The following CAMK1D variants were observed in gnomAD, a reference collection of about 807,000 sequenced individuals.
CAMK1D encodes calcium/calmodulin dependent protein kinase ID.
In CAMK1D, 9 loss-of-function variants were observed where a neutral mutation model predicts 47.7. The ratio of observed to expected loss-of-function variants is 0.19; its 90% CI spans 0.11 to 0.33. CAMK1D has a LOEUF of 0.33. Among genes scored for constraint, CAMK1D ranks in the 10% least tolerant of loss-of-function variants. The pLI is 1.00. For synonymous variants in CAMK1D, 184 were observed against 184.9 expected (o/e 0.99, Z 0.04); for missense variants, 291 against 488.7 (o/e 0.60, Z 3.81).
At chr10:12,394,560 A>G (rs183951493) in intron 1 of CAMK1D, among the ~76,000 whole-genome samples, 37 of 152,052 alleles carry the variant, frequency 2.4e-4, no homozygotes, top group African/African-American at 7.7e-4. Context: ...TCACCCCATC[A>G]CTCCAAATTC....
intron 3 of CAMK1D, among the ~76,000 whole-genome samples, chr10:12,706,133 C>T (rs1354180538): frequency 6.6e-6 from 1 of 152,092 alleles, no homozygotes; most frequent in Non-Finnish European, 1.5e-5. Flanking sequence ...TTCTAAGTGA[C>T]TAACTGGCAG....
chr10:12,790,255 C>T (rs572045778), intron 5 of CAMK1D, among the ~76,000 whole-genome samples: 120 of 152,358 alleles, frequency 7.9e-4, no homozygotes, highest in African/African-American at 2.8e-3. Context: ...AATGAGCATG[C>T]TGACACCCTC....
intron 1 of CAMK1D, among the ~76,000 whole-genome samples, chr10:12,354,575 A>AT (rs11297433): frequency 1.3e-5 from 2 of 151,192 alleles, no homozygotes; most frequent in African/African-American, 2.4e-5. Context: ...CACCCGGCTA[A>AT]TTTTTTTGTA....
At chr10:12,816,925 AAGG>A (rs1044271780) in intron 8 of CAMK1D, among the ~76,000 whole-genome samples, 1 of 151,816 alleles carries the variant, frequency 6.6e-6, no homozygotes, top group Non-Finnish European at 1.5e-5. Context: ...CAATTTACAA[AAGG>A]AGGAGGTTTC....
intron 3 of CAMK1D, among the ~76,000 whole-genome samples, chr10:12,753,410 C>T (rs1254742210): frequency 6.6e-6 from 1 of 152,216 alleles, no homozygotes; most frequent in African/African-American, 2.4e-5. Context: ...GTTCATTAAC[C>T]TAGGACACCT....
intron 1 of CAMK1D, among the ~76,000 whole-genome samples, chr10:12,501,463 G>A (rs984262680): frequency 1.1e-4 from 17 of 152,190 alleles, no homozygotes; most frequent in African/African-American, 3.9e-4. Flanking sequence ...CATGTCATGG[G>A]CCTCACCATG....
intron 1 of CAMK1D, among the ~76,000 whole-genome samples, chr10:12,515,242 C>T (rs1363751063): frequency 2.0e-5 from 3 of 151,966 alleles, no homozygotes; most frequent in African/African-American, 7.3e-5. Context: ...AATTCTGACA[C>T]AGGCATAGAA....
intron 1 of CAMK1D, among the ~76,000 whole-genome samples, chr10:12,536,923 A>C (rs1036917797): frequency 6.6e-6 from 1 of 152,196 alleles, no homozygotes; most frequent in Non-Finnish European, 1.5e-5. Context: ...GGATATTTAC[A>C]TATGGGATAT....
intron 3 of CAMK1D, among the ~76,000 whole-genome samples, chr10:12,756,407 C>A (rs746655315): frequency 6.6e-6 from 1 of 152,188 alleles, no homozygotes. Flanking sequence ...TTGCAGTATA[C>A]CACTGTGTCG....
intron 1 of CAMK1D, among the ~76,000 whole-genome samples, chr10:12,413,185 A>C (rs1274637416): frequency 1.3e-5 from 2 of 152,152 alleles, no homozygotes; most frequent in African/African-American, 2.4e-5. Context: ...AAGCCTCAGA[A>C]GCTTACAGTC....
At chr10:12,811,214 C>G (rs2493756) in intron 6 of CAMK1D, among the ~76,000 whole-genome samples, 150,769 of 152,362 alleles carry the variant, frequency 0.99, 74,614 homozygotes, top group Middle Eastern at 1. Context: ...ATTATTTAAA[C>G]GGTTGGATAT....
intron 1 of CAMK1D, among the ~76,000 whole-genome samples, chr10:12,536,017 C>T (rs1159506478): frequency 1.3e-5 from 2 of 152,106 alleles, no homozygotes; most frequent in Admixed American, 6.5e-5. Flanking sequence ...GCATAGGGAG[C>T]TGGGACCTAG....
At chr10:12,434,960 G>A (rs994707507) in intron 1 of CAMK1D, among the ~76,000 whole-genome samples, 11 of 152,188 alleles carry the variant, frequency 7.2e-5, no homozygotes, top group Non-Finnish European at 2.9e-5. Flanking sequence ...GCTCACACTG[G>A]TAATCCCAGC....
intron 2 of CAMK1D, among the ~76,000 whole-genome samples, chr10:12,575,215 C>T (rs11814175): frequency 0.036 from 5,430 of 152,258 alleles, 267 homozygotes; most frequent in African/African-American, 0.11. Context: ...GCCTCAGCCT[C>T]GCAAGTAGCT....
intron 2 of CAMK1D, among the ~76,000 whole-genome samples, chr10:12,628,156 T>C (rs1425121337): frequency 3.9e-5 from 6 of 152,242 alleles, no homozygotes; most frequent in Non-Finnish European, 7.3e-5. Flanking sequence ...AAAGCTGTTA[T>C]GAACATTTGT....
intron 2 of CAMK1D, among the ~76,000 whole-genome samples, chr10:12,611,038 G>C (rs1033822893): frequency 6.6e-6 from 1 of 152,182 alleles, no homozygotes; most frequent in African/African-American, 2.4e-5. Context: ...CCCTTGAGCT[G>C]TCTGTTTTAT....
At chr10:12,444,700 C>T (rs1249581938) in intron 1 of CAMK1D, among the ~76,000 whole-genome samples, 5 of 152,184 alleles carry the variant, frequency 3.3e-5, no homozygotes, top group Admixed American at 2.0e-4. Flanking sequence ...ATTTTGAATA[C>T]AGGTGCATTC....
At chr10:12,397,712 G>C (rs1839013038) in intron 1 of CAMK1D, among the ~76,000 whole-genome samples, 1 of 152,210 alleles carries the variant, frequency 6.6e-6, no homozygotes, top group Non-Finnish European at 1.5e-5. Flanking sequence ...TGACTGAAGA[G>C]GGTGAGTGTT....
intron 1 of CAMK1D, among the ~76,000 whole-genome samples, chr10:12,486,531 GCACACA>G (rs3995703): frequency 2.7e-5 from 4 of 146,984 alleles, no homozygotes; most frequent in African/African-American, 1.0e-4. Flanking sequence ...GTGTGCGCGT[GCACACA>G]CACACACACA....
Sources: allele counts gnomAD v4.1 joint callset (sites outside exome capture counted in the v4.1 genomes callset), GRCh38; gene constraint gnomAD v4.1.1; transcripts MANE v1.5; gene names NCBI Gene and HGNC (gene_info 2026-07-23, HGNC 2026-07-21).